The following PRLR variants were observed in gnomAD, a reference collection of about 807,000 sequenced individuals.
The protein encoded by PRLR is prolactin receptor.
A neutral mutation model predicts 40.2 loss-of-function variants in PRLR; 13 were observed. The ratio of observed to expected loss-of-function variants is 0.32; its 90% CI spans 0.21 to 0.51. The LOEUF (loss-of-function observed/expected upper bound fraction) is 0.51. Among genes scored for constraint, PRLR ranks in the 20% least tolerant of loss-of-function variants. The pLI, the probability that PRLR is intolerant of heterozygous loss-of-function variation, is 0.97. For synonymous variants in PRLR, 269 were observed against 278.7 expected (o/e 0.97, Z 0.35); for missense variants, 656 against 747.3 (o/e 0.88, Z 1.42).
chr5:35,139,445 T>C (rs13164310), intron 1 of PRLR, among the ~76,000 whole-genome samples: 13,295 of 152,114 alleles, frequency 0.087, 769 homozygotes, highest in African/African-American at 0.17. Context: ...CAAGTGCTAA[T>C]AATAAAATGA....
intron 1 of PRLR, among the ~76,000 whole-genome samples, chr5:35,154,977 G>A (rs1415702986): frequency 6.6e-6 from 1 of 151,252 alleles, no homozygotes; most frequent in Non-Finnish European, 1.5e-5. Flanking sequence ...ACACACACTG[G>A]AGCCTGTCAG....
At chr5:35,124,202 A>C (rs1773382646) in intron 1 of PRLR, among the ~76,000 whole-genome samples, 1 of 152,190 alleles carries the variant, frequency 6.6e-6, no homozygotes, top group Admixed American at 6.5e-5. Context: ...AAAATGGTAG[A>C]GGAGTTCTTT....
intron 9 of PRLR, among the ~76,000 whole-genome samples, chr5:35,066,636 T>C (rs1769383407): frequency 1.3e-5 from 2 of 151,546 alleles, no homozygotes; most frequent in South Asian, 4.2e-4. Context: ...CTACTTCCTC[T>C]CCCTCCTTCT....
intron 1 of PRLR, among the ~76,000 whole-genome samples, chr5:35,150,903 C>T (rs543698127): frequency 1.1e-4 from 17 of 152,290 alleles, no homozygotes; most frequent in African/African-American, 4.1e-4. Context: ...CGGGGAGCAG[C>T]TGCATTCCCT....
intron 1 of PRLR, among the ~76,000 whole-genome samples, chr5:35,200,359 G>A (rs1775846226): frequency 6.6e-6 from 1 of 152,176 alleles, no homozygotes; most frequent in South Asian, 2.1e-4. Context: ...TGTTGCTCTA[G>A]GATGAGAGAA....
intron 2 of PRLR, among the ~76,000 whole-genome samples, chr5:35,115,928 C>T (rs1469288282): frequency 1.3e-5 from 2 of 151,996 alleles, no homozygotes; most frequent in African/African-American, 4.8e-5. Context: ...AAGGAGGGTC[C>T]CCCCCTCTGA....
In PRLR at chr5:35,066,084, G is replaced by T; in HGVS notation, c.874C>A (p.Leu292Ile). The change falls in exon 10 of 10, where the codon CTA (leucine) becomes ATA (isoleucine). Residue 292 changes from leucine (L) to isoleucine (I), a missense_variant. Leu to Ile is a conservative substitution (Grantham distance 5). Around this residue, in one of 3 missense-constraint regions of PRLR, gnomAD observed 469 missense variants for 491.5 expected, o/e 0.95. Transcript: ENST00000618457. ...HLLEKGKSEE[L>I]LSALGCQDFP... ...TCTTGGCATCCCAAGGCACTCAGTA[G>T]TTCTTCAGACTTGCCCTTCTATTAA... is the stretch of plus-strand genomic sequence containing the variant. 1 of 1,613,678 alleles carries T rather than the reference G, an allele frequency of 6.2e-7. No individual in the cohort carries two copies. Among genetic ancestry groups the T allele is most frequent in the Non-Finnish European group, 8.5e-7 (1 of 1,179,778 alleles).
At chr5:35,178,807 T>G (rs1166300989) in intron 1 of PRLR, among the ~76,000 whole-genome samples, 2 of 152,166 alleles carry the variant, frequency 1.3e-5, no homozygotes, top group Non-Finnish European at 2.9e-5. Flanking sequence ...ACTAGTTAAG[T>G]AAAAATTTAA....
chr5:35,167,945 C>T (rs1774890805), intron 1 of PRLR, among the ~76,000 whole-genome samples: 1 of 151,662 alleles, frequency 6.6e-6, no homozygotes, highest in Non-Finnish European at 1.5e-5. Context: ...TTCAAATAAT[C>T]CAGTAATTAC....
chr5:35,138,237 G>C (rs1773916920), intron 1 of PRLR, among the ~76,000 whole-genome samples: 1 of 152,134 alleles, frequency 6.6e-6, no homozygotes, highest in Non-Finnish European at 1.5e-5. Flanking sequence ...AGATACTTTG[G>C]AAGTTTCAGT....
At chr5:35,106,140 A>G (rs1772232931) in intron 2 of PRLR, among the ~76,000 whole-genome samples, 1 of 152,234 alleles carries the variant, frequency 6.6e-6, no homozygotes, top group Non-Finnish European at 1.5e-5. Flanking sequence ...TTCATAAGTG[A>G]AGGAGAAATA....
chr5:35,160,808 C>A (rs1029217889), intron 1 of PRLR, among the ~76,000 whole-genome samples: 4 of 152,194 alleles, frequency 2.6e-5, no homozygotes, highest in Non-Finnish European at 5.9e-5. Context: ...CTTACGATTT[C>A]TTCTCCGCTT....
intron 2 of PRLR, among the ~76,000 whole-genome samples, chr5:35,104,101 T>C (rs547956321): frequency 6.6e-6 from 1 of 152,208 alleles, no homozygotes. Context: ...ACAAACGTTC[T>C]GAGAACACAG....
intron 7 of PRLR, 102 bp downstream of exon 7, chr5:35,070,022 G>T: frequency 7.4e-7 from 1 of 1,343,210 alleles, no homozygotes; most frequent in Non-Finnish European, 1.0e-6. Flanking sequence ...CTATTGTTCT[G>T]GCTAAGGCTC....
At chr5:35,188,930 T>C (rs1775520639) in intron 1 of PRLR, among the ~76,000 whole-genome samples, 2 of 152,138 alleles carry the variant, frequency 1.3e-5, no homozygotes, top group Admixed American at 6.5e-5. Flanking sequence ...CCACCCCAAA[T>C]TCATACGTTG....
At chr5:35,133,154 C>T (rs769923690) in intron 1 of PRLR, among the ~76,000 whole-genome samples, 6 of 152,106 alleles carry the variant, frequency 3.9e-5, no homozygotes, top group East Asian at 3.9e-4. Context: ...AGGCTTTGGC[C>T]GTGGAGTGGG....
intron 1 of PRLR, among the ~76,000 whole-genome samples, chr5:35,174,185 G>T (rs1043643943): frequency 4.6e-5 from 7 of 151,850 alleles, no homozygotes; most frequent in African/African-American, 1.2e-4. Flanking sequence ...TGCCTCCCAG[G>T]TTCTAGCAAT....
chr5:35,193,512 ACAGG>A (rs1337915256), intron 1 of PRLR, among the ~76,000 whole-genome samples: 1 of 152,178 alleles, frequency 6.6e-6, no homozygotes, highest in African/African-American at 2.4e-5. Flanking sequence ...GCACCAAGAC[ACAGG>A]TCTGGCTGAT....
At chr5:35,128,206 G>T (rs1056787134) in intron 1 of PRLR, among the ~76,000 whole-genome samples, 1 of 151,556 alleles carries the variant, frequency 6.6e-6, no homozygotes, top group African/African-American at 2.4e-5. Flanking sequence ...GTATACAGTT[G>T]TCCCTCAGTA....
Sources: allele counts gnomAD v4.1 joint callset (sites outside exome capture counted in the v4.1 genomes callset), GRCh38; gene constraint gnomAD v4.1.1; regional missense constraint gnomAD v4.1.1; transcripts MANE v1.5; gene names NCBI Gene and HGNC (gene_info 2026-07-23, HGNC 2026-07-21).